RYR3: variants seen among roughly 807,000 people sequenced by gnomAD.
RYR3 encodes the protein brain ryanodine receptor-calcium release channel.
A neutral mutation model predicts 584.3 loss-of-function variants in RYR3; 207 were observed. The observed-to-expected ratio is 0.35, with a 90% CI of 0.32 to 0.40. The LOEUF (loss-of-function observed/expected upper bound fraction) is 0.40. Ranked by LOEUF, RYR3 falls within the 10% of genes least tolerant of loss-of-function variation. The pLI, the probability that RYR3 is intolerant of heterozygous loss-of-function variation, is 1.00. For missense variants in RYR3, 5,616 were observed against 6,089.2 expected, an observed-to-expected ratio of 0.92 and a Z score of 2.59; for synonymous variants, 2,416 against 2,248.5, an observed-to-expected ratio of 1.07 and a Z score of -2.11.
At chr15:33,495,921 C>G (rs906336844) in intron 2 of RYR3, among the ~76,000 whole-genome samples, 5 of 152,158 alleles carry the variant, frequency 3.3e-5, no homozygotes, top group African/African-American at 1.2e-4. Context: ...GATTGGAAGT[C>G]TGTAAGTGAG....
chr15:33,551,356 G>T (rs2056658532), intron 10 of RYR3, among the ~76,000 whole-genome samples: 1 of 152,208 alleles, frequency 6.6e-6, no homozygotes, highest in Admixed American at 6.5e-5. Context: ...CTCAAGGGTT[G>T]TTGAGGATTC....
In RYR3 at chr15:33,584,736, C is replaced by T. The variant is rs149476647; in HGVS notation, c.1669+246C>T. ...TTACTCTGTGCCTTCATTGTTATTC[C>T]GTGCCTTCATTTTTAATCCTCGGGT... is the stretch of plus-strand genomic sequence containing the variant. On this transcript the variant is annotated intron_variant, in intron 15 of 103. Coordinates refer to ENST00000634891, the MANE Select transcript of RYR3 (RefSeq NM_001036.6). 5.8e-3 allele frequency among the ~76,000 whole-genome samples: 883 copies of T among 151,942 alleles called. 7 individuals carry two copies. The highest frequency in any genetic ancestry group is 0.016 in the African/African-American group (669 of 41,424).
intron 2 of RYR3, among the ~76,000 whole-genome samples, chr15:33,486,142 A>G (rs2050398762): frequency 6.6e-6 from 1 of 152,174 alleles, no homozygotes; most frequent in African/African-American, 2.4e-5. Context: ...GAGTTGTAAG[A>G]TGGAATATTC....
chr15:33,482,344 C>A (rs942445834), intron 2 of RYR3, among the ~76,000 whole-genome samples: 1 of 152,080 alleles, frequency 6.6e-6, no homozygotes, highest in Non-Finnish European at 1.5e-5. Flanking sequence ...ATGTAACAAA[C>A]CTTTTCCTCT....
intron 2 of RYR3, among the ~76,000 whole-genome samples, chr15:33,488,624 G>A (rs927597756): frequency 7.9e-5 from 12 of 152,150 alleles, no homozygotes; most frequent in South Asian, 2.1e-4. Flanking sequence ...AGGACAAGGC[G>A]GGCAGATCAC....
chr15:33,527,803 C>A (rs2054517416), intron 3 of RYR3, among the ~76,000 whole-genome samples: 1 of 152,042 alleles, frequency 6.6e-6, no homozygotes, highest in African/African-American at 2.4e-5. Context: ...TCTCTGGCTG[C>A]CGTGACTGAA....
chr15:33,586,052 T>C lies in RYR3; in HGVS notation c.1724T>C (p.Leu575Pro), dbSNP rs1201699237. The C allele has an allele frequency of 1.2e-6, 2 of 1,613,700 alleles. No homozygotes were observed. Among genetic ancestry groups the C allele is most frequent in the Non-Finnish European group, 1.7e-6 (2 of 1,179,644 alleles). ...ILTESPEALN[L>P]IAEGHIKSII... The stretch of plus-strand genomic sequence containing the variant: ...ACTGAAAGCCCAGAAGCCTTAAATC[T>C]GATAGCGGAGGGCCACATCAAGTCG... Residue 575 changes from leucine (L) to proline (P), a missense_variant, in exon 16 of 104, where the codon CTG (leucine) becomes CCG (proline). Leu to Pro is a moderately conservative substitution (Grantham distance 98). Transcript: ENST00000634891.
At position 33,819,771 on chromosome 15, in the gene RYR3, C is replaced by T. The variant is rs2152956778; in HGVS notation, c.10722C>T (p.Asp3574=). The change falls in exon 77 of 104, where the codon GAC becomes GAT. Residue 3574 remains aspartate (D), a synonymous_variant. Coordinates refer to ENST00000634891, the MANE Select transcript of RYR3 (RefSeq NM_001036.6). ...TTCTTTCCAGCAAATTGGAAGACGA[C>T]CCTTTGTACACCTCCTATTCCAGCA... The part of the protein sequence containing the change: ...ALTERSKLED[D]PLYTSYSSMM... 6.4e-7 allele frequency: 1 copy of T among 1,560,634 alleles called. No individual in the cohort carries two copies.
chr15:33,382,319 C>CTTTTTTTTTTT lies in RYR3; in HGVS notation c.51+71235_51+71245dup, dbSNP rs34767570. Among the ~76,000 whole-genome samples, 668 of 104,768 alleles carry CTTTTTTTTTTT rather than the reference C, an allele frequency of 6.4e-3. 89 individuals are homozygous for CTTTTTTTTTTT. The highest frequency in any genetic ancestry group is 0.025 in the African/African-American group (606 of 24,688). 68.7% of individuals were successfully genotyped at this position (104,768 alleles called of 152,430 possible). On this transcript the variant is annotated intron_variant, in intron 1 of 103. Coordinates refer to ENST00000634891, the MANE Select transcript of RYR3 (RefSeq NM_001036.6). ...CAGGAACTGCTAATTTTAAAAGTGG[C>CTTTTTTTTTTT]TTTTTTTTTTTTTTTTTTTTTTGAG... is the stretch of plus-strand genomic sequence containing the variant.
chr15:33,721,454 A>AT (rs944157837), intron 43 of RYR3, among the ~76,000 whole-genome samples: 1 of 152,196 alleles, frequency 6.6e-6, no homozygotes, highest in Non-Finnish European at 1.5e-5. Context: ...TTTTGAGGGA[A>AT]TTTTTTGCAC....
At chr15:33,460,180 C>T (rs1055664162) in intron 1 of RYR3, among the ~76,000 whole-genome samples, 2 of 152,182 alleles carry the variant, frequency 1.3e-5, no homozygotes, top group African/African-American at 4.8e-5. Context: ...GAGAGAATGG[C>T]CCCTGGGCTT....
intron 1 of RYR3, among the ~76,000 whole-genome samples, chr15:33,423,717 T>A (rs898019027): frequency 1.3e-5 from 2 of 152,182 alleles, no homozygotes; most frequent in African/African-American, 4.8e-5. Context: ...CTCATTGTGC[T>A]CTTATGCACC....
chr15:33,377,742 T>C (rs2040857023), intron 1 of RYR3, among the ~76,000 whole-genome samples: 1 of 152,224 alleles, frequency 6.6e-6, no homozygotes, highest in Non-Finnish European at 1.5e-5. Flanking sequence ...ATAATAGTTG[T>C]TTCAGGGTGT....
At chr15:33,373,920 G>A (rs2040526797) in intron 1 of RYR3, among the ~76,000 whole-genome samples, 1 of 152,094 alleles carries the variant, frequency 6.6e-6, no homozygotes, top group Non-Finnish European at 1.5e-5. Flanking sequence ...AGAAAAAGAG[G>A]CCAGGAGCTA....
At chr15:33,475,280 T>C (rs1313287884) in intron 2 of RYR3, among the ~76,000 whole-genome samples, 1 of 152,188 alleles carries the variant, frequency 6.6e-6, no homozygotes, top group South Asian at 2.1e-4. Context: ...TTTCTAGTCA[T>C]CCATCGAGTA....
At chr15:33,373,153 CA>C (rs1412898081) in intron 1 of RYR3, among the ~76,000 whole-genome samples, 1 of 152,224 alleles carries the variant, frequency 6.6e-6, no homozygotes, top group Non-Finnish European at 1.5e-5. Context: ...TTCCTATTCT[CA>C]TTTGAATTTA....
In RYR3 at chr15:33,763,892, CAAAAAA is replaced by C. The variant is rs796878162; in HGVS notation, c.8706-4747_8706-4742del. 5.5e-3 allele frequency among the ~76,000 whole-genome samples: 250 copies of C among 45,868 alleles called. 3 individuals are homozygous for C. Among genetic ancestry groups the C allele is most frequent in the Non-Finnish European group, 7.1e-3 (183 of 25,604 alleles). The allele number at this position is 45,868 out of a possible 152,430, so 30.1% of individuals were successfully genotyped here. A position where few individuals can be genotyped will look rare whatever the true frequency, so the allele number is the denominator to read the frequency against. On this transcript the variant is annotated intron_variant, in intron 60 of 103. Coordinates refer to ENST00000634891, the MANE Select transcript of RYR3 (RefSeq NM_001036.6). The stretch of plus-strand genomic sequence containing the variant: ...TGAGTGACAGAGCGAGACTTCATCT[CAAAAAA>C]AAAAAAAAAAAAAAAAAATCAGGAA...
intron 56 of RYR3, 23 bp from the exon 57 acceptor site, chr15:33,750,140 A>G: frequency 1.2e-6 from 2 of 1,608,682 alleles, no homozygotes; most frequent in African/African-American, 1.3e-5. Flanking sequence ...GCCAAATGTC[A>G]TCTCTCACCT....
Position 33,836,939 on chromosome 15 carries a change from T to C in RYR3, c.11602T>C (p.Leu3868=), listed in dbSNP as rs373617775. ...TCAGATCGAGCTGCTGAAGGAACTCTTGGATCTCCTTCAGGACATGGTGGT... is the reference window on the plus strand; with the variant it reads ...TCAGATCGAGCTGCTGAAGGAACTCCTGGATCTCCTTCAGGACATGGTGGT... ...SSQIELLKEL[L]DLLQDMVVML... The change falls in exon 88 of 104, where the codon TTG becomes CTG. Residue 3868 remains leucine (L), a synonymous_variant. Coordinates refer to ENST00000634891, the MANE Select transcript of RYR3 (RefSeq NM_001036.6). 1 of 1,613,762 alleles carries C rather than the reference T, an allele frequency of 6.2e-7. No homozygotes were observed. The highest frequency in any genetic ancestry group is 8.5e-7 in the Non-Finnish European group (1 of 1,179,860).
Sources: gnomAD v4.1 joint callset for allele counts (sites outside exome capture counted in the v4.1 genomes callset) on GRCh38, gnomAD v4.1.1 for gene constraint, MANE v1.5 for transcripts, NCBI Gene and HGNC (gene_info 2026-07-23, HGNC 2026-07-21) for gene names.